Variants in MYO3B observed in about 807,000 individuals in gnomAD.
MYO3B encodes the protein myosin-IIIb.
A neutral mutation model predicts 174.6 loss-of-function variants in MYO3B; 156 were observed. The observed-to-expected ratio is 0.89, with a 90% CI of 0.78 to 1.02. The LOEUF (loss-of-function observed/expected upper bound fraction) is 1.02. Among genes scored for constraint, MYO3B ranks in the 50% least tolerant of loss-of-function variants. The pLI is 0.00. For missense variants in MYO3B, 1,632 were observed against 1,639.4 expected (o/e 1.00, Z 0.08); for synonymous variants, 563 against 569.1 (o/e 0.99, Z 0.15).
chr2:170,584,496 A>G (rs1376417912), intron 32 of MYO3B, among the ~76,000 whole-genome samples: 1 of 152,238 alleles, frequency 6.6e-6, no homozygotes, highest in Non-Finnish European at 1.5e-5. Flanking sequence ...TGGAAAATGT[A>G]TTGCTTGTCA....
At chr2:170,382,192 G>A (rs1389067855) in intron 10 of MYO3B, 80 bp downstream of exon 10, 1 of 1,138,740 alleles carries the variant, frequency 8.8e-7, no homozygotes, top group Non-Finnish European at 1.3e-6. Context: ...TGTAGACCAT[G>A]TCCTCCTAAG....
intron 7 of MYO3B, among the ~76,000 whole-genome samples, chr2:170,249,030 G>A (rs1199710233): frequency 6.6e-6 from 1 of 152,096 alleles, no homozygotes; most frequent in Non-Finnish European, 1.5e-5. Context: ...TTCTTCTTTG[G>A]CCACGTTTAC....
intron 7 of MYO3B, among the ~76,000 whole-genome samples, chr2:170,286,433 A>G (rs1379142529): frequency 6.6e-6 from 1 of 152,170 alleles, no homozygotes; most frequent in Non-Finnish European, 1.5e-5. Flanking sequence ...CCTGTACCAC[A>G]TGATGTAGGA....
At chr2:170,338,443 C>T (rs2105549774) in intron 8 of MYO3B, among the ~76,000 whole-genome samples, 1 of 152,244 alleles carries the variant, frequency 6.6e-6, no homozygotes, top group Middle Eastern at 3.4e-3. Flanking sequence ...TTCTTGACCT[C>T]AGCCCTCCAA....
At chr2:170,322,568 G>C (rs1043349743) in intron 7 of MYO3B, among the ~76,000 whole-genome samples, 1 of 152,224 alleles carries the variant, frequency 6.6e-6, no homozygotes, top group Non-Finnish European at 1.5e-5. Flanking sequence ...GAGGACGAAT[G>C]TTCGGTAGTT....
At chr2:170,563,031 TACACACACACACACACAC>T (rs56861648) in intron 32 of MYO3B, among the ~76,000 whole-genome samples, 1 of 138,568 alleles carries the variant, frequency 7.2e-6, no homozygotes, top group Non-Finnish European at 1.5e-5. Context: ...AAAACATGCA[TACACACACACACACACAC>T]ACACACACAC....
chr2:170,183,956 A>T (rs990325206), intron 1 of MYO3B, among the ~76,000 whole-genome samples: 1 of 152,154 alleles, frequency 6.6e-6, no homozygotes, highest in African/African-American at 2.4e-5. Context: ...ACTTTGATAT[A>T]TTAATGGGAA....
chr2:170,383,892 C>A, intron 12 of MYO3B, 78 bp downstream of exon 12: 1 of 1,186,828 alleles, frequency 8.4e-7, no homozygotes, highest in Non-Finnish European at 1.2e-6. Context: ...CCTAAGTCTT[C>A]CTGAAACCTT....
intron 7 of MYO3B, among the ~76,000 whole-genome samples, chr2:170,331,318 T>G (rs2093910123): frequency 6.6e-6 from 1 of 152,166 alleles, no homozygotes; most frequent in African/African-American, 2.4e-5. Flanking sequence ...TGAGGTCATA[T>G]TTTTATGTTA....
At chr2:170,605,726 G>T (rs1694767307) in intron 32 of MYO3B, among the ~76,000 whole-genome samples, 1 of 152,108 alleles carries the variant, frequency 6.6e-6, no homozygotes, top group Non-Finnish European at 1.5e-5. Context: ...CAGGCTTGGT[G>T]GCGGGCGCCT....
At chr2:170,635,380 C>A (rs778231049) in intron 32 of MYO3B, among the ~76,000 whole-genome samples, 3 of 151,974 alleles carry the variant, frequency 2.0e-5, no homozygotes, top group African/African-American at 7.3e-5. Flanking sequence ...CCAAACACTG[C>A]GTGTTCTCAC....
At chr2:170,204,990 G>A (rs2092700093) in intron 3 of MYO3B, among the ~76,000 whole-genome samples, 2 of 151,902 alleles carry the variant, frequency 1.3e-5, no homozygotes, top group Non-Finnish European at 2.9e-5. Context: ...TAACCCATAG[G>A]CTGCCCTTGA....
At chr2:170,334,021 G>T (rs1443442313) in intron 7 of MYO3B, 1 of 152,160 alleles carries the variant, frequency 6.6e-6, no homozygotes, top group Non-Finnish European at 1.5e-5. Flanking sequence ...ATGTCATAAT[G>T]AATCCAGTTT....
rs1254272809 is a variant in MYO3B at position 170,214,449 on chromosome 2, C to T, written c.392C>T (p.Ala131Val). Residue 131 changes from alanine (A) to valine (V), a missense_variant, in exon 4 of 35, where the codon GCA (alanine) becomes GTA (valine). By Grantham distance (64) the Ala-to-Val change is moderately conservative (BLOSUM62 0). Transcript: ENST00000408978. ...AGATGTGGCCAGCGGTTGGATGAAGCAATGATCTCATACATCTTGTACGGG... is the reference window on the plus strand; with the variant it reads ...AGATGTGGCCAGCGGTTGGATGAAGTAATGATCTCATACATCTTGTACGGG... ...LLRCGQRLDE[A>V]MISYILYGAL... 2 of 1,614,154 alleles carry T rather than the reference C, an allele frequency of 1.2e-6. No homozygotes were observed. The highest frequency in any genetic ancestry group is 1.7e-6 in the Non-Finnish European group (2 of 1,179,992).
chr2:170,462,533 G>A (rs79539982), intron 23 of MYO3B, among the ~76,000 whole-genome samples: 2,861 of 152,358 alleles, frequency 0.019, 35 homozygotes, highest in Middle Eastern at 0.054. Flanking sequence ...CCATGGGAAG[G>A]TGGCTGCCTG....
intron 28 of MYO3B, among the ~76,000 whole-genome samples, chr2:170,503,459 C>CTTTT (rs10650053): frequency 0.011 from 1,116 of 97,594 alleles, 100 homozygotes; most frequent in Non-Finnish European, 0.016. Flanking sequence ...GGGTGTCTCC[C>CTTTT]TTTTTTTTTT....
chr2:170,630,434 G>A (rs939084669), intron 32 of MYO3B, among the ~76,000 whole-genome samples: 7 of 152,180 alleles, frequency 4.6e-5, no homozygotes, highest in African/African-American at 1.4e-4. Flanking sequence ...AGCTCAACGA[G>A]GCCTGCCTGC....
chr2:170,574,123 C>G (rs1452885747), intron 32 of MYO3B, among the ~76,000 whole-genome samples: 1 of 152,114 alleles, frequency 6.6e-6, no homozygotes, highest in Non-Finnish European at 1.5e-5. Flanking sequence ...TGCATATATT[C>G]ATTAATCAGA....
intron 32 of MYO3B, among the ~76,000 whole-genome samples, chr2:170,599,107 A>C (rs1694327641): frequency 6.6e-6 from 1 of 152,034 alleles, no homozygotes; most frequent in African/African-American, 2.4e-5. Flanking sequence ...CATTTTCTTC[A>C]GTGTTTCCAC....
Sources: gnomAD v4.1 joint callset for allele counts (sites outside exome capture counted in the v4.1 genomes callset) on GRCh38, gnomAD v4.1.1 for gene constraint, MANE v1.5 for transcripts, NCBI Gene and HGNC (gene_info 2026-07-23, HGNC 2026-07-21) for gene names.